UNC13B: variants seen among roughly 807,000 people sequenced by gnomAD.
The protein encoded by UNC13B is unc-13 homolog B.
Under a neutral mutation model 211.0 loss-of-function variants are expected in UNC13B, and 144 were observed. That is an observed-to-expected ratio of 0.68 (90% CI 0.60 to 0.78). The LOEUF (loss-of-function observed/expected upper bound fraction) is 0.78. UNC13B is among the 30% of genes least tolerant of loss of function. UNC13B has a pLI of 0.00. For synonymous variants in UNC13B, 709 were observed against 725.8 expected (o/e 0.98, Z 0.37); for missense variants, 1,777 against 2,002.0 (o/e 0.89, Z 2.14).
intron 26 of UNC13B, among the ~76,000 whole-genome samples, chr9:35,393,266 G>A (rs1379602071): frequency 6.6e-6 from 1 of 152,172 alleles, no homozygotes; most frequent in Non-Finnish European, 1.5e-5. Flanking sequence ...CAGATTCTGA[G>A]GACCTGGGAA....
intron 6 of UNC13B, among the ~76,000 whole-genome samples, chr9:35,254,164 G>A (rs1242132010): frequency 6.6e-6 from 1 of 152,166 alleles, no homozygotes; most frequent in African/African-American, 2.4e-5. Context: ...CAGTAAGCAA[G>A]AAATATAATA....
chr9:35,323,202 A>G (rs1024970669), intron 11 of UNC13B, among the ~76,000 whole-genome samples: 68 of 151,594 alleles, frequency 4.5e-4, no homozygotes, highest in Non-Finnish European at 3.8e-4. Context: ...TGCTTTTTTC[A>G]TTTATTGCTC....
At position 35,302,850 on chromosome 9, in the gene UNC13B, C is replaced by T. The variant is rs1829752966; in HGVS notation, c.3446C>T (p.Ser1149Phe). The T allele has an allele frequency of 2.5e-6, 1 of 398,606 alleles. No individual in the cohort carries two copies. The highest frequency in any genetic ancestry group is 4.4e-6 in the Non-Finnish European group (1 of 225,750). 24.7% of individuals were successfully genotyped at this position (398,606 alleles called of 1,614,324 possible). Reference sequence around the variant, plus strand: ...AAAAATACCCAAGGAAGCTTCCTTTCTGGCCTGTTTAATAGGTTTTCTTCT... The same window carrying T: ...AAAAATACCCAAGGAAGCTTCCTTTTTGGCCTGTTTAATAGGTTTTCTTCT... ...SKKNTQGSFL[S>F]GLFNRFSSAE... Residue 1149 changes from serine (S) to phenylalanine (F), a missense_variant, in exon 9 of 40, where the codon TCT becomes TTT. Physicochemically the swap from Ser to Phe is radical, Grantham distance 155. Coordinates refer to ENST00000635942, the MANE Select transcript of UNC13B (RefSeq NM_001371189.2).
intron 3 of UNC13B, among the ~76,000 whole-genome samples, chr9:35,235,319 G>A (rs1484368737): frequency 1.3e-5 from 2 of 152,072 alleles, no homozygotes; most frequent in South Asian, 4.1e-4. Context: ...GAGTCTCCAG[G>A]GACTGAGTGG....
chr9:35,246,832 G>A (rs868474901), intron 6 of UNC13B, among the ~76,000 whole-genome samples: 12 of 152,094 alleles, frequency 7.9e-5, no homozygotes, highest in African/African-American at 2.4e-4. Flanking sequence ...TTGGCAATGT[G>A]GGCTCTTTTT....
At chr9:35,251,286 G>A (rs112689743) in intron 6 of UNC13B, among the ~76,000 whole-genome samples, 4 of 150,506 alleles carry the variant, frequency 2.7e-5, no homozygotes, top group African/African-American at 7.3e-5. Flanking sequence ...TTTTGCTGGA[G>A]TATTTTAAAA....
chr9:35,396,429 T>C lies in UNC13B; in HGVS notation c.11309-47T>C, dbSNP rs1337447743. 4 of 1,611,366 alleles carry C rather than the reference T, an allele frequency of 2.5e-6. No individual in the cohort carries two copies. In the Admixed American group the frequency reaches 6.7e-5, roughly 27 times the overall value. ...CTGCCTTGGGAAGGCTCAGGAACCA[T>C]GGCCTCTACTGCTGGGACCTGACCC... is the stretch of plus-strand genomic sequence containing the variant. On this transcript the variant is annotated intron_variant, in intron 26 of 39. Transcript: ENST00000635942.
intron 37 of UNC13B, chr9:35,402,018 C>T (rs1170589439): frequency 6.5e-7 from 1 of 1,549,968 alleles, no homozygotes; most frequent in African/African-American, 1.4e-5. Context: ...GTATGTTGTA[C>T]ACCGTGCAGA....
chr9:35,280,916 A>G (rs996427325), intron 7 of UNC13B, among the ~76,000 whole-genome samples: 1 of 152,186 alleles, frequency 6.6e-6, no homozygotes, highest in African/African-American at 2.4e-5. Flanking sequence ...TTAGGTGTCT[A>G]TGCTGAGTAC....
chr9:35,239,751 G>T (rs924861942), intron 5 of UNC13B, among the ~76,000 whole-genome samples: 1 of 152,060 alleles, frequency 6.6e-6, no homozygotes, highest in African/African-American at 2.4e-5. Flanking sequence ...TCTTTCTCAG[G>T]GATGTTCCTT....
rs145265358 is a variant in UNC13B at position 35,389,937 on chromosome 9, A to G, written c.11186A>G (p.Glu3729Gly). 1 of 1,614,126 alleles carries G rather than the reference A, an allele frequency of 6.2e-7. No homozygotes were observed. The highest frequency in any genetic ancestry group is 8.5e-7 in the Non-Finnish European group (1 of 1,179,992). ...ATCACACTCATCGTGTCAATCATAGAGGAAGATAAGAATTCCTACACACCT... is the reference window on the plus strand; with the variant it reads ...ATCACACTCATCGTGTCAATCATAGGGGAAGATAAGAATTCCTACACACCT... ...KLITLIVSII[E>G]EDKNSYTPVL... Residue 3729 changes from glutamate (E) to glycine (G), a missense_variant, in exon 25 of 40, where the codon GAG becomes GGG. Coordinates refer to ENST00000635942, the MANE Select transcript of UNC13B (RefSeq NM_001371189.2).
Position 35,302,238 on chromosome 9 carries a change from G to A in UNC13B, c.2834G>A (p.Ser945Asn). ...CATAGTGATCTAGGAAAATTTGACA[G>A]TACAGAGGAATTTAAAAAGAATGAC... is the stretch of plus-strand genomic sequence containing the variant. Reference protein sequence around the residue: ...NIHSDLGKFDSTEEFKKNDQI... With the variant: ...NIHSDLGKFDNTEEFKKNDQI... Residue 945 changes from serine (S) to asparagine (N), a missense_variant, in exon 9 of 40, where the codon AGT (serine) becomes AAT (asparagine). Physicochemically the swap from Ser to Asn is conservative, Grantham distance 46. Coordinates refer to ENST00000635942, the MANE Select transcript of UNC13B (RefSeq NM_001371189.2). The A allele has an allele frequency of 2.5e-6, 1 of 398,680 alleles. No homozygotes were observed. Among genetic ancestry groups the A allele is most frequent in the African/African-American group, 2.1e-5 (1 of 48,726 alleles). 24.7% of individuals were successfully genotyped at this position (398,680 alleles called of 1,614,324 possible).
intron 7 of UNC13B, among the ~76,000 whole-genome samples, chr9:35,260,878 TTCC>T (rs1827234171): frequency 1.3e-5 from 2 of 152,162 alleles, no homozygotes; most frequent in Admixed American, 1.3e-4. Flanking sequence ...GAGATTTTAC[TTCC>T]TACTCCTTCC....
intron 11 of UNC13B, among the ~76,000 whole-genome samples, chr9:35,357,081 A>G (rs1014483720): frequency 2.6e-5 from 4 of 152,140 alleles, no homozygotes; most frequent in Admixed American, 1.3e-4. Flanking sequence ...TATATTTTCA[A>G]TTCTCTTGGG....
intron 25 of UNC13B, among the ~76,000 whole-genome samples, chr9:35,390,338 C>T (rs745628576): frequency 8.5e-5 from 13 of 152,218 alleles, no homozygotes; most frequent in South Asian, 2.1e-4. Flanking sequence ...ATTTAGCCTG[C>T]GCCTGCTTTC....
At chr9:35,193,155 G>T (rs776125203) in intron 1 of UNC13B, among the ~76,000 whole-genome samples, 3 of 152,188 alleles carry the variant, frequency 2.0e-5, no homozygotes, top group Non-Finnish European at 4.4e-5. Flanking sequence ...TCTTGGGAGA[G>T]ACTATGCGAC....
intron 11 of UNC13B, among the ~76,000 whole-genome samples, chr9:35,338,266 T>A (rs560947442): frequency 6.6e-6 from 1 of 152,350 alleles, no homozygotes; most frequent in African/African-American, 2.4e-5. Context: ...CAGCTCCTTA[T>A]GTTCAAGTTT....
At chr9:35,217,396 G>GTT (rs1232346601) in intron 1 of UNC13B, among the ~76,000 whole-genome samples, 102 of 139,312 alleles carry the variant, frequency 7.3e-4, no homozygotes, top group African/African-American at 1.8e-3. Flanking sequence ...TGTTTTTTTT[G>GTT]TTTTTTTTTT....
At chr9:35,266,539 T>G (rs1000028947) in intron 7 of UNC13B, among the ~76,000 whole-genome samples, 6 of 152,164 alleles carry the variant, frequency 3.9e-5, no homozygotes, top group African/African-American at 1.4e-4. Flanking sequence ...TGTCTCTATT[T>G]AAAAATAAAT....
Sources: allele counts gnomAD v4.1 joint callset (sites outside exome capture counted in the v4.1 genomes callset), GRCh38; gene constraint gnomAD v4.1.1; transcripts MANE v1.5; gene names NCBI Gene and HGNC (gene_info 2026-07-23, HGNC 2026-07-21).